The following TRIM8 variants were observed in gnomAD, a reference collection of about 807,000 sequenced individuals.
TRIM8 encodes E3 ubiquitin-protein ligase TRIM8.
Under a neutral mutation model 55.7 loss-of-function variants are expected in TRIM8, and 9 were observed. The observed-to-expected ratio is 0.16, with a 90% CI of 0.10 to 0.28. The LOEUF is 0.28. Among genes scored for constraint, TRIM8 ranks in the 10% least tolerant of loss-of-function variants. TRIM8 has a pLI of 1.00. For synonymous variants in TRIM8, 335 were observed against 333.3 expected (o/e 1.01, Z -0.06); for missense variants, 556 against 736.4 (o/e 0.76, Z 2.83).
intron 1 of TRIM8, among the ~76,000 whole-genome samples, chr10:102,652,111 G>C (rs1325971405): frequency 6.6e-6 from 1 of 152,172 alleles, no homozygotes; most frequent in Non-Finnish European, 1.5e-5. Context: ...TTCTTTTAGA[G>C]GTCCTGTCCT....
chr10:102,646,183 G>A (rs1357091045), intron 1 of TRIM8, among the ~76,000 whole-genome samples: 1 of 152,174 alleles, frequency 6.6e-6, no homozygotes, highest in Non-Finnish European at 1.5e-5. Flanking sequence ...TTCAGTGGAG[G>A]GGGCTCCTCC....
At position 102,656,651 on chromosome 10, in the gene TRIM8, T is replaced by C. The variant is rs2064027472; in HGVS notation, c.1049-96T>C. 1 of 1,497,034 alleles carries C rather than the reference T, an allele frequency of 6.7e-7. No homozygotes were observed. The highest frequency in any genetic ancestry group is 2.3e-5 in the Admixed American group (1 of 42,654). The allele number at this position is 1,497,034 out of a possible 1,614,324, so 92.7% of individuals were successfully genotyped here. A position where few individuals can be genotyped will look rare whatever the true frequency, so the allele number is the denominator to read the frequency against. ...ACCTGAGATGTAACATTCTTGGGCC[T>C]CTAGGTGTCAATGGTCCCCAGGTCC... is the stretch of plus-strand genomic sequence containing the variant. On this transcript the variant is annotated intron_variant, in intron 5 of 5. Coordinates refer to ENST00000643721, the MANE Select transcript of TRIM8 (RefSeq NM_030912.3). The surrounding 1 kb of genome is among the most constrained non-coding windows in gnomAD (Gnocchi z 4.6).
At chr10:102,654,982 T>C (rs1245563544) in intron 2 of TRIM8, 98 bp from the exon 3 acceptor site, 5 of 1,393,646 alleles carry the variant, frequency 3.6e-6, no homozygotes, top group Non-Finnish European at 5.0e-6. Flanking sequence ...GGCAGCCTGG[T>C]GACTTAGGGT....
chr10:102,644,918 C>T lies in TRIM8; in HGVS notation c.301C>T (p.Leu101=), dbSNP rs769756612. Residue 101 remains leucine (L), a synonymous_variant, in exon 1 of 6, where the codon CTG becomes TTG. Coordinates refer to ENST00000643721, the MANE Select transcript of TRIM8 (RefSeq NM_030912.3). ...CGTGTTCTGCCGCCGCGGCCCCCCG[C>T]TGCCCGCGCAGAAGGTCTGCCTGCG... ...HCVFCRRGPP[L]PAQKVCLRCE... The T allele has an allele frequency of 1.2e-6, 2 of 1,605,806 alleles. No individual in the cohort carries two copies. Among genetic ancestry groups the T allele is most frequent in the Non-Finnish European group, 1.7e-6 (2 of 1,176,524 alleles).
rs768349869 is a variant in TRIM8, at chr10:102,656,081, C to G, written c.901-25C>G. ...CTCCCTGGACTGCCTTTTCCACTGA[C>G]TTGACTCTTTTCTCTCCCCAACAGA... is the stretch of plus-strand genomic sequence containing the variant. On this transcript the variant is annotated intron_variant, in intron 3 of 5. Transcript: ENST00000643721. This position sits in a 1 kb window ranked among gnomAD's most constrained non-coding sequence, Gnocchi z 4.6. 6.2e-7 allele frequency: 1 copy of G among 1,614,002 alleles called. No individual in the cohort carries two copies. The highest frequency in any genetic ancestry group is 8.5e-7 in the Non-Finnish European group (1 of 1,179,994).
chr10:102,655,357 T>TGAGA (rs2064015954), intron 3 of TRIM8, 44 bp downstream of exon 3: 1 of 1,568,072 alleles, frequency 6.4e-7, no homozygotes, highest in African/African-American at 1.4e-5. Context: ...CAGAGGGCCA[T>TGAGA]TTCCAAATTG....
intron 1 of TRIM8, among the ~76,000 whole-genome samples, chr10:102,652,218 GTTTTTTCCACA>G (rs1473340838): frequency 2.4e-4 from 37 of 152,284 alleles, no homozygotes; most frequent in African/African-American, 8.9e-4. Context: ...CAGGGTTCTG[GTTTTTTCCACA>G]GTAGCCTCCA....
intron 1 of TRIM8, among the ~76,000 whole-genome samples, chr10:102,650,389 G>T (rs2063975059): frequency 6.6e-6 from 1 of 152,166 alleles, no homozygotes; most frequent in South Asian, 2.1e-4. Flanking sequence ...AGGTGGTGGA[G>T]GGTGGGAATG....
chr10:102,650,036 AC>A (rs1245413400), intron 1 of TRIM8, among the ~76,000 whole-genome samples: 2 of 17,282 alleles, frequency 1.2e-4, no homozygotes, highest in Non-Finnish European at 2.7e-4. Flanking sequence ...CCCTCCCACC[AC>A]CACAGGGGCT....
chr10:102,655,140 C>G lies in TRIM8; in HGVS notation c.727C>G (p.Leu243Val), dbSNP rs751366915. 11 of 1,611,942 alleles carry G rather than the reference C, an allele frequency of 6.8e-6. No individual in the cohort carries two copies. In the East Asian group the frequency reaches 2.5e-4, roughly 36 times the overall value. ...GCAGTACGAGAAGCTGCACCAGCTG[C>G]TGGACGAGGACCTGCGGCAGACAGT... ...RLQYEKLHQLLDEDLRQTVEV... is the reference protein window; with the variant it reads ...RLQYEKLHQLVDEDLRQTVEV... The change falls in exon 3 of 6, where the codon CTG becomes GTG. Residue 243 changes from leucine (L) to valine (V), a missense_variant. By Grantham distance (32) the Leu-to-Val change is conservative (BLOSUM62 1). Coordinates refer to ENST00000643721, the MANE Select transcript of TRIM8 (RefSeq NM_030912.3).
In TRIM8 at chr10:102,645,007, C is replaced by G; in HGVS notation, c.390C>G (p.Arg130=). The change falls in exon 1 of 6, where the codon CGC becomes CGG. Residue 130 remains arginine (R), a synonymous_variant. Coordinates refer to ENST00000643721, the MANE Select transcript of TRIM8 (RefSeq NM_030912.3). ...ACCTGCAGCAGCCCTCCACCGCCCGCGGGCACCTCCTGGTGGAGGCGGACG... is the reference window on the plus strand; with the variant it reads ...ACCTGCAGCAGCCCTCCACCGCCCGGGGGCACCTCCTGGTGGAGGCGGACG... ...QTHLQQPSTA[R]GHLLVEADDV... 1.3e-6 allele frequency: 2 copies of G among 1,597,054 alleles called. No homozygotes were observed.
In TRIM8 at chr10:102,645,327, G is replaced by T. The variant is rs957776805; in HGVS notation, c.570+140G>T. ...GTGGCCCCTGGCCAAACTCTTCTCT[G>T]AAAGTTTGGGGACAGGGTCCTGGGA... On this transcript the variant is annotated intron_variant, in intron 1 of 5. Transcript: ENST00000643721. The T allele has an allele frequency of 1.3e-5, 13 of 973,210 alleles. No homozygotes were observed. The African/African-American group carries it at 1.7e-4, about 13-fold the overall frequency. The allele number at this position is 973,210 out of a possible 1,614,324, so 60.3% of individuals were successfully genotyped here.
intron 1 of TRIM8, 197 bp downstream of exon 1, chr10:102,645,384 C>G (rs928882980): frequency 6.1e-5 from 34 of 560,570 alleles, no homozygotes; most frequent in Non-Finnish European, 9.3e-5. Flanking sequence ...TTGGTACATT[C>G]TCGCACCTGT....
At position 102,650,678 on chromosome 10, in the gene TRIM8, CAG is replaced by C. The variant is rs1354528922; in HGVS notation, c.571-3970_571-3969del. Among the ~76,000 whole-genome samples the C allele has an allele frequency of 3.9e-5, 6 of 152,208 alleles. No individual in the cohort carries two copies. In the East Asian group the frequency reaches 7.7e-4, roughly 20 times the overall value. Reference sequence around the variant, plus strand: ...GGTGCCTCCAGCCCACCTGCCTGCGCAGAGAGTACTTGCTCTGAACTGAGCTG... The same window carrying C: ...GGTGCCTCCAGCCCACCTGCCTGCGCAGAGTACTTGCTCTGAACTGAGCTG... On this transcript the variant is annotated intron_variant, in intron 1 of 5. Transcript: ENST00000643721.
intron 1 of TRIM8, among the ~76,000 whole-genome samples, chr10:102,648,566 C>T (rs2063954389): frequency 6.6e-6 from 1 of 152,104 alleles, no homozygotes; most frequent in South Asian, 2.1e-4. Flanking sequence ...TGAGGGTATC[C>T]TGTGCACATT....
chr10:102,651,171 G>T (rs1388786650), intron 1 of TRIM8, among the ~76,000 whole-genome samples: 3 of 152,190 alleles, frequency 2.0e-5, no homozygotes, highest in African/African-American at 7.2e-5. Context: ...GCAGCAGGAG[G>T]GGGAAATGAA....
intron 3 of TRIM8, 26 bp downstream of exon 3, chr10:102,655,339 G>A: frequency 6.3e-7 from 1 of 1,593,088 alleles, no homozygotes; most frequent in Admixed American, 1.9e-5. Context: ...GACCAGGCTG[G>A]TGGCACCCAG....
intron 1 of TRIM8, among the ~76,000 whole-genome samples, chr10:102,647,224 G>A (rs2063943612): frequency 6.6e-6 from 1 of 152,106 alleles, no homozygotes; most frequent in Non-Finnish European, 1.5e-5. Context: ...TCCGCAGGGT[G>A]TGTGTGTGCG....
rs1237830297 is a variant in TRIM8, at chr10:102,655,167, G to T, written c.754G>T (p.Glu252Ter). Residue 252 changes from glutamate to a stop codon, truncating the protein, a stop_gained, in exon 3 of 6, where the codon GAG (glutamate) becomes TAG (stop). Transcript: ENST00000643721. LOFTEE classifies it high-confidence loss of function. ...GGACGAGGACCTGCGGCAGACAGTG[G>T]AGGTCCTAGACAAGGCCCAGGCCAA... is the stretch of plus-strand genomic sequence containing the variant. ...LLDEDLRQTV[E>*]VLDKAQAKFC... 1.2e-6 allele frequency: 2 copies of T among 1,612,148 alleles called. No individual in the cohort carries two copies. The highest frequency in any genetic ancestry group is 2.7e-5 in the African/African-American group (2 of 74,884).
Sources: gnomAD v4.1 joint callset for allele counts (sites outside exome capture counted in the v4.1 genomes callset) on GRCh38, gnomAD v4.1.1 for gene constraint, Gnocchi (gnomAD v3.1) non-coding constraint, MANE v1.5 for transcripts, NCBI Gene and HGNC (gene_info 2026-07-23, HGNC 2026-07-21) for gene names.